The following SGCD variants were observed in gnomAD, a reference collection of about 807,000 sequenced individuals.
SGCD encodes delta-sarcoglycan.
A neutral mutation model predicts 36.6 loss-of-function variants in SGCD; 18 were observed. The observed-to-expected ratio is 0.49, with a 90% CI of 0.34 to 0.73. The LOEUF is 0.73. Among genes scored for constraint, SGCD ranks in the 30% least tolerant of loss-of-function variants. The pLI is 0.01. For synonymous variants in SGCD, 133 were observed against 130.6 expected (o/e 1.02, Z -0.12); for missense variants, 387 against 346.7 (o/e 1.12, Z -0.92).
At chr5:156,172,300 A>C (rs1763363930) in intron 3 of SGCD, among the ~76,000 whole-genome samples, 1 of 152,144 alleles carries the variant, frequency 6.6e-6, no homozygotes, top group Non-Finnish European at 1.5e-5. Flanking sequence ...AAAAACAAAA[A>C]CAAACAAACA....
upstream of SGCD, among the ~76,000 whole-genome samples, chr5:156,322,149 C>T (rs553871145): frequency 1.3e-5 from 2 of 152,162 alleles, no homozygotes; most frequent in Non-Finnish European, 2.9e-5. Flanking sequence ...ACAACTGACT[C>T]GGTAATTTCT....
At chr5:155,888,564 G>T (rs766784413) in intron 1 of SGCD, among the ~76,000 whole-genome samples, 20 of 152,320 alleles carry the variant, frequency 1.3e-4, no homozygotes, top group Non-Finnish European at 2.2e-4. Context: ...TGATAAAGAA[G>T]TGGATAGTCG....
intron 1 of SGCD, among the ~76,000 whole-genome samples, chr5:156,075,447 A>T (rs1760749092): frequency 6.6e-6 from 1 of 152,174 alleles, no homozygotes; most frequent in South Asian, 2.1e-4. Context: ...TCTATAAGAG[A>T]CTTTAGGGAT....
the SGCD span, among the ~76,000 whole-genome samples, chr5:155,836,861 C>T: frequency 6.6e-6 from 1 of 152,096 alleles, no homozygotes; most frequent in Non-Finnish European, 1.5e-5. Flanking sequence ...TTTGTAGCTC[C>T]GGTTCTAGTG....
chr5:155,910,544 C>G (rs1167556277), intron 1 of SGCD, among the ~76,000 whole-genome samples: 1 of 151,972 alleles, frequency 6.6e-6, no homozygotes, highest in African/African-American at 2.4e-5. Context: ...GGTTGCACAT[C>G]ATGTCAATCC....
chr5:156,561,747 GT>G (rs144536222), intron 4 of SGCD, among the ~76,000 whole-genome samples: 4 of 151,834 alleles, frequency 2.6e-5, no homozygotes, highest in East Asian at 1.9e-4. Context: ...ACATAGTTAG[GT>G]TTTTTTTATT....
At chr5:156,478,092 G>A (rs1305112533) in intron 3 of SGCD, among the ~76,000 whole-genome samples, 1 of 152,014 alleles carries the variant, frequency 6.6e-6, no homozygotes, top group East Asian at 1.9e-4. Flanking sequence ...GTGTTGTATA[G>A]CATTTCTCGC....
At chr5:156,696,531 G>A (rs983265019) in intron 7 of SGCD, among the ~76,000 whole-genome samples, 5 of 151,928 alleles carry the variant, frequency 3.3e-5, no homozygotes, top group Admixed American at 1.3e-4. Context: ...TTTTTTTGAG[G>A]GTAAGTCTCA....
intron 7 of SGCD, among the ~76,000 whole-genome samples, chr5:156,741,824 G>T (rs1238096428): frequency 1.3e-5 from 2 of 152,048 alleles, no homozygotes; most frequent in East Asian, 3.9e-4. Context: ...CAGCCAAAAA[G>T]AGACAGTGAG....
intron 7 of SGCD, among the ~76,000 whole-genome samples, chr5:156,714,949 A>T (rs1396449314): frequency 6.6e-6 from 1 of 152,210 alleles, no homozygotes; most frequent in Non-Finnish European, 1.5e-5. Flanking sequence ...ATCCATAAAT[A>T]TCGGGAGTGC....
At chr5:156,353,562 T>C (rs983747923) in intron 3 of SGCD, among the ~76,000 whole-genome samples, 2 of 152,216 alleles carry the variant, frequency 1.3e-5, no homozygotes, top group Admixed American at 1.3e-4. Context: ...GCATTAGTTA[T>C]ACTTTTCATT....
intron 1 of SGCD, among the ~76,000 whole-genome samples, chr5:156,072,826 G>A (rs1216924074): frequency 1.3e-5 from 2 of 152,052 alleles, no homozygotes; most frequent in East Asian, 1.9e-4. Flanking sequence ...GGCTTTGTTT[G>A]TTTCTTTTTG....
intron 3 of SGCD, among the ~76,000 whole-genome samples, chr5:156,183,955 A>G (rs537637889): frequency 6.6e-6 from 1 of 152,316 alleles, no homozygotes; most frequent in African/African-American, 2.4e-5. Context: ...AGCTTTCAGT[A>G]GGGTTACATT....
chr5:155,860,957 C>T, the SGCD span, among the ~76,000 whole-genome samples: 1 of 152,166 alleles, frequency 6.6e-6, no homozygotes, highest in Non-Finnish European at 1.5e-5. Context: ...TAAATGAGTT[C>T]TGAGCCTAGA....
chr5:155,827,724 G>A, the SGCD span, among the ~76,000 whole-genome samples: 1 of 132,068 alleles, frequency 7.6e-6, no homozygotes, highest in Non-Finnish European at 1.5e-5. Flanking sequence ...TGTTGCCCAG[G>A]CTGGAGTGCA....
chr5:156,513,551 G>A (rs981823396), intron 4 of SGCD, among the ~76,000 whole-genome samples: 4 of 152,180 alleles, frequency 2.6e-5, no homozygotes, highest in Non-Finnish European at 5.9e-5. Context: ...TCAGTGTCCA[G>A]TTGAGCAAGA....
chr5:155,756,172 A>G, the SGCD span, among the ~76,000 whole-genome samples: 1 of 152,206 alleles, frequency 6.6e-6, no homozygotes, highest in Non-Finnish European at 1.5e-5. Context: ...ATAGTAGAGA[A>G]AGCTGATGTG....
intron 3 of SGCD, among the ~76,000 whole-genome samples, chr5:156,227,628 G>A (rs866367612): frequency 1.5e-4 from 22 of 151,526 alleles, no homozygotes; most frequent in African/African-American, 4.1e-4. Context: ...TTGTTTTTTC[G>A]AATTCTGTGA....
intron 3 of SGCD, among the ~76,000 whole-genome samples, chr5:156,381,084 C>T (rs746123096): frequency 1.3e-5 from 2 of 152,160 alleles, no homozygotes; most frequent in Non-Finnish European, 2.9e-5. Context: ...AAGACAAAAA[C>T]ATCTCAGGAA....
Sources: allele counts gnomAD v4.1 joint callset (sites outside exome capture counted in the v4.1 genomes callset), GRCh38; gene constraint gnomAD v4.1.1; transcripts MANE v1.5; gene names NCBI Gene and HGNC (gene_info 2026-07-23, HGNC 2026-07-21).